Variants in BNC2 observed in about 807,000 individuals in gnomAD.
The protein encoded by BNC2 is basonuclin zinc finger protein 2, also known as zinc finger protein basonuclin-2.
A neutral mutation model predicts 76.3 loss-of-function variants in BNC2; 20 were observed. The observed-to-expected ratio is 0.26, with a 90% confidence interval of 0.18 to 0.38. The LOEUF is 0.38. Among genes scored for constraint, BNC2 ranks in the 10% least tolerant of loss-of-function variants. The pLI is 1.00. For synonymous variants in BNC2, 582 were observed against 514.8 expected, an observed-to-expected ratio of 1.13 and a Z score of -1.77; for missense variants, 1,382 against 1,399.8, an observed-to-expected ratio of 0.99 and a Z score of 0.20.
intron 3 of BNC2, among the ~76,000 whole-genome samples, chr9:16,720,641 G>A (rs1227314431): frequency 6.6e-6 from 1 of 152,062 alleles, no homozygotes; most frequent in Non-Finnish European, 1.5e-5. Context: ...AAACTGATGG[G>A]CTTAATTAAA....
chr9:16,726,804 A>G (rs573128783), intron 3 of BNC2: 2 of 152,238 alleles, frequency 1.3e-5, no homozygotes, highest in Admixed American at 6.5e-5. Context: ...GCACCAGGGA[A>G]CTTCCCTCCC....
At chr9:16,713,675 T>C (rs1373412040) in intron 3 of BNC2, among the ~76,000 whole-genome samples, 1 of 152,080 alleles carries the variant, frequency 6.6e-6, no homozygotes, top group East Asian at 1.9e-4. Context: ...GTATTTAGAA[T>C]GGAAGGCTTT....
intron 3 of BNC2, among the ~76,000 whole-genome samples, chr9:16,603,174 G>T (rs1209805931): frequency 6.6e-6 from 1 of 152,156 alleles, no homozygotes; most frequent in African/African-American, 2.4e-5. Context: ...GGTCCAGGAA[G>T]CAATGAAGTC....
At position 16,629,766 on chromosome 9, in the gene BNC2, C is replaced by T. The variant is rs780000552; in HGVS notation, c.331-46681G>A. Among the ~76,000 whole-genome samples, 71 of 152,138 alleles carry T rather than the reference C, an allele frequency of 4.7e-4. 1 individual carries two copies. Among genetic ancestry groups the T allele is most frequent in the Non-Finnish European group, 8.2e-4 (56 of 68,034 alleles). ...TCTAAAAAAAACAGCATACATACATCTAAAATACTTTATTGCTAAAAAATG... is the reference window on the plus strand; with the variant it reads ...TCTAAAAAAAACAGCATACATACATTTAAAATACTTTATTGCTAAAAAATG... On this transcript the variant is annotated intron_variant, in intron 3 of 6. Coordinates refer to ENST00000380672, the MANE Select transcript of BNC2 (RefSeq NM_017637.6).
intron 5 of BNC2, among the ~76,000 whole-genome samples, chr9:16,474,368 C>T (rs1454867310): frequency 6.6e-6 from 1 of 152,072 alleles, no homozygotes; most frequent in Non-Finnish European, 1.5e-5. Flanking sequence ...ACAATGAGGA[C>T]CTGAATGAAG....
intron 1 of BNC2, among the ~76,000 whole-genome samples, chr9:16,829,500 A>T (rs901810770): frequency 1.3e-5 from 2 of 152,226 alleles, no homozygotes; most frequent in Non-Finnish European, 2.9e-5. Context: ...CCCTAACCCA[A>T]AACATTTTTT....
intron 6 of BNC2, among the ~76,000 whole-genome samples, chr9:16,428,461 T>A (rs1279506629): frequency 6.6e-6 from 1 of 152,244 alleles, no homozygotes. Context: ...GAGATGTAGA[T>A]GTCTATTCTG....
At chr9:16,477,157 C>T (rs958595907) in intron 5 of BNC2, among the ~76,000 whole-genome samples, 1 of 152,098 alleles carries the variant, frequency 6.6e-6, no homozygotes, top group African/African-American at 2.4e-5. Flanking sequence ...TTTGGGAAAC[C>T]GAGGCAGGAG....
chr9:16,766,729 G>A (rs1001718641), intron 1 of BNC2, among the ~76,000 whole-genome samples: 1 of 152,180 alleles, frequency 6.6e-6, no homozygotes, highest in African/African-American at 2.4e-5. Flanking sequence ...TGGGCTACAG[G>A]TCCTGTTGGA....
At chr9:16,732,164 A>AAAAAAAAAAAAAAAAAGAG (rs1270166205) in intron 2 of BNC2, among the ~76,000 whole-genome samples, 1 of 150,898 alleles carries the variant, frequency 6.6e-6, no homozygotes, top group African/African-American at 2.4e-5. Flanking sequence ...CTGCAAAAAA[A>AAAAAAAAAAAAAAAAAGAG]AAAGAAAAAG....
At chr9:16,709,215 C>G (rs921114481) in intron 3 of BNC2, among the ~76,000 whole-genome samples, 3 of 152,124 alleles carry the variant, frequency 2.0e-5, no homozygotes, top group African/African-American at 4.8e-5. Context: ...GGGAGGGGAA[C>G]TCCTGGTCCA....
intron 5 of BNC2, among the ~76,000 whole-genome samples, chr9:16,542,688 A>G (rs2132399592): frequency 6.6e-6 from 1 of 152,356 alleles, no homozygotes; most frequent in African/African-American, 2.4e-5. Context: ...TGGCCTAACC[A>G]TGCATGGTCA....
At chr9:16,716,679 T>G (rs1266193638) in intron 3 of BNC2, among the ~76,000 whole-genome samples, 1 of 152,224 alleles carries the variant, frequency 6.6e-6, no homozygotes, top group East Asian at 1.9e-4. Context: ...TTACGTATCA[T>G]GCAAACTGTA....
intron 1 of BNC2, among the ~76,000 whole-genome samples, chr9:16,772,610 A>T: frequency 6.6e-6 from 1 of 151,384 alleles, no homozygotes; most frequent in East Asian, 1.9e-4. Flanking sequence ...AACTGTACTA[A>T]TTTTTTTTTG....
At chr9:16,524,423 C>G (rs1817727458) in intron 5 of BNC2, among the ~76,000 whole-genome samples, 1 of 152,086 alleles carries the variant, frequency 6.6e-6, no homozygotes, top group Non-Finnish European at 1.5e-5. Flanking sequence ...GTAAGCACTT[C>G]TGACAAGTTC....
intron 4 of BNC2, among the ~76,000 whole-genome samples, chr9:16,558,677 T>C (rs532146630): frequency 2.6e-5 from 4 of 152,242 alleles, no homozygotes; most frequent in African/African-American, 7.2e-5. Flanking sequence ...ATGCCTGTCA[T>C]CCCAGCACTT....
chr9:16,542,469 TC>T (rs1411259529), intron 5 of BNC2, among the ~76,000 whole-genome samples: 3 of 152,136 alleles, frequency 2.0e-5, no homozygotes, highest in African/African-American at 7.2e-5. Flanking sequence ...TGAAAAAACT[TC>T]CTAGATACCA....
chr9:16,770,587 G>A (rs1238025296), intron 1 of BNC2, among the ~76,000 whole-genome samples: 1 of 151,818 alleles, frequency 6.6e-6, no homozygotes, highest in South Asian at 2.1e-4. Flanking sequence ...TGTTTCACCT[G>A]AGAAGTTCTA....
intron 1 of BNC2, among the ~76,000 whole-genome samples, chr9:16,800,339 A>T (rs1412380130): frequency 6.6e-6 from 1 of 152,172 alleles, no homozygotes; most frequent in East Asian, 1.9e-4. Flanking sequence ...ACGAAATACT[A>T]TCTAAGTACC....
Sources: gnomAD v4.1 joint callset for allele counts (sites outside exome capture counted in the v4.1 genomes callset) on GRCh38, gnomAD v4.1.1 for gene constraint, MANE v1.5 for transcripts, NCBI Gene and HGNC (gene_info 2026-07-23, HGNC 2026-07-21) for gene names.